Variants in AKAP14 observed in about 807,000 individuals in gnomAD.
The protein encoded by AKAP14 is A-kinase anchoring protein 14, also known as A-kinase anchor protein 14.
A neutral mutation model predicts 17.0 loss-of-function variants in AKAP14; 4 were observed. The ratio of observed to expected loss-of-function variants is 0.23; its 90% CI spans 0.12 to 0.54. AKAP14 has a LOEUF of 0.54. AKAP14 is among the 20% of genes least tolerant of loss of function. AKAP14 has a pLI of 0.95. For synonymous variants in AKAP14, 42 were observed against 51.3 expected, an observed-to-expected ratio of 0.82 and a Z score of 0.77; for missense variants, 129 against 150.9, an observed-to-expected ratio of 0.85 and a Z score of 0.76.
intron 4 of AKAP14, among the ~76,000 whole-genome samples, chrX:119,905,975 C>T (rs1266914493): frequency 9.0e-6 from 1 of 111,553 alleles, no homozygotes; most frequent in Non-Finnish European, 1.9e-5. Flanking sequence ...TTCCCAGCCC[C>T]TAGCAATGTC....
Position 119,903,268 on chromosome X carries a change from G to A in AKAP14, c.45G>A (p.Glu15=), listed in dbSNP as rs755534258. 6.6e-6 allele frequency: 8 copies of A among 1,210,044 alleles called. No homozygotes were observed. The highest frequency in any genetic ancestry group is 1.7e-5 in the African/African-American group (1 of 57,367). ...QNSTSQKAMD[E]DNKAASQTMP... is the part of the protein sequence containing the mutation. ...CAACAAGCCAGAAAGCAATGGATGA[G>A]GATAACAAAGCCGCAAGCCAAACAA... Residue 15 remains glutamate (E), a synonymous_variant, in exon 3 of 7, where the codon GAG becomes GAA. Transcript: ENST00000371431.
chrX:119,903,454 C>G (rs2056579563), intron 3 of AKAP14, 41 bp from the exon 4 acceptor site: 1 of 1,209,930 alleles, frequency 8.3e-7, no homozygotes, highest in African/African-American at 1.7e-5. Flanking sequence ...TATAGCACCA[C>G]ACTACCTGGC....
intron 4 of AKAP14, among the ~76,000 whole-genome samples, chrX:119,908,817 G>A (rs769244375): frequency 4.3e-4 from 48 of 111,808 alleles, no homozygotes; most frequent in African/African-American, 1.4e-3. Flanking sequence ...GCCTGCACAC[G>A]GATAAAAATG....
At chrX:119,902,468 C>G (rs1433951299) in intron 2 of AKAP14, among the ~76,000 whole-genome samples, 2 of 110,903 alleles carry the variant, frequency 1.8e-5, no homozygotes, top group Middle Eastern at 4.6e-3. Context: ...CTCAAACTGT[C>G]CCCCTGCTTC....
intron 4 of AKAP14, among the ~76,000 whole-genome samples, chrX:119,908,975 C>A (rs995213621): frequency 1.8e-5 from 2 of 111,326 alleles, no homozygotes; most frequent in African/African-American, 6.5e-5. Flanking sequence ...GGAGAAAGCA[C>A]TGAGCGGGCT....
chrX:119,920,396 G>T, intron 6 of AKAP14, 112 bp from the exon 7 acceptor site: 1 of 555,140 alleles, frequency 1.8e-6, no homozygotes, highest in Non-Finnish European at 2.8e-6. Context: ...AATAAAAGAG[G>T]CTTCTTGCTT....
intron 4 of AKAP14, among the ~76,000 whole-genome samples, chrX:119,911,038 A>G (rs2056624753): frequency 9.2e-6 from 1 of 108,208 alleles, no homozygotes; most frequent in Non-Finnish European, 1.9e-5. Flanking sequence ...TGCCTTACAG[A>G]TAAGTCAGCC....
At chrX:119,910,719 A>G (rs2056622729) in intron 4 of AKAP14, among the ~76,000 whole-genome samples, 1 of 110,672 alleles carries the variant, frequency 9.0e-6, no homozygotes, top group Non-Finnish European at 1.9e-5. Context: ...CTGGTGTGCA[A>G]TGGCGCAATC....
At chrX:119,902,691 G>A (rs1421625157) in intron 2 of AKAP14, among the ~76,000 whole-genome samples, 1 of 110,364 alleles carries the variant, frequency 9.1e-6, no homozygotes. Flanking sequence ...TGTTTTTTTT[G>A]TTTTTTGTTT....
intron 4 of AKAP14, among the ~76,000 whole-genome samples, chrX:119,911,541 G>C (rs902627586): frequency 3.6e-5 from 4 of 110,381 alleles, no homozygotes; most frequent in African/African-American, 9.9e-5. Context: ...ACTTCTTGGA[G>C]GTGGTAGTTT....
At chrX:119,909,047 G>T (rs1178004413) in intron 4 of AKAP14, among the ~76,000 whole-genome samples, 1 of 111,187 alleles carries the variant, frequency 9.0e-6, no homozygotes, top group Non-Finnish European at 1.9e-5. Flanking sequence ...CCTACTTCTA[G>T]GCCCTGGTAT....
intron 4 of AKAP14, among the ~76,000 whole-genome samples, chrX:119,905,898 T>G (rs764259318): frequency 1.3e-4 from 14 of 111,808 alleles, no homozygotes; most frequent in Non-Finnish European, 2.6e-4. Flanking sequence ...TATTTACTTG[T>G]CCTACTGCCT....
chrX:119,917,574 C>T (rs1293087486), intron 5 of AKAP14, among the ~76,000 whole-genome samples: 4 of 107,331 alleles, frequency 3.7e-5, no homozygotes, highest in African/African-American at 1.4e-4. Context: ...CATTGCACTC[C>T]AGCCTGGGTA....
In AKAP14 at chrX:119,920,655, A is replaced by G. The variant is rs1262217323; in HGVS notation, c.*48A>G. ...TGTTTTTCTCATCAGGATACATTAA[A>G]AATACAATACAGCACGTCAAACCAC... On this transcript the variant is annotated 3_prime_UTR_variant, in exon 7 of 7. Transcript: ENST00000371431. The G allele has an allele frequency of 1.1e-6, 1 of 944,122 alleles. No homozygotes were observed. 77.8% of individuals were successfully genotyped at this position (944,122 alleles called of 1,213,427 possible).
intron 4 of AKAP14, among the ~76,000 whole-genome samples, chrX:119,905,974 C>A (rs1007584763): frequency 7.2e-5 from 8 of 111,496 alleles, no homozygotes; most frequent in African/African-American, 2.6e-4. Flanking sequence ...CTTCCCAGCC[C>A]CTAGCAATGT....
At chrX:119,920,037 GCAA>G (rs1424012593) in intron 6 of AKAP14, 74 bp downstream of exon 6, 3 of 1,036,412 alleles carry the variant, frequency 2.9e-6, no homozygotes, top group South Asian at 1.9e-5. Flanking sequence ...CAGCAGTTGC[GCAA>G]CAACAGATAG....
chrX:119,908,300 A>AG (rs1556398870), intron 4 of AKAP14, among the ~76,000 whole-genome samples: 1 of 103,500 alleles, frequency 9.7e-6, no homozygotes, highest in African/African-American at 3.5e-5. Flanking sequence ...AAAAAAAAAA[A>AG]AAGAAGGATG....
chrX:119,909,186 G>GA (rs1025539202), intron 4 of AKAP14, among the ~76,000 whole-genome samples: 1 of 110,814 alleles, frequency 9.0e-6, no homozygotes, highest in Non-Finnish European at 1.9e-5. Context: ...TAGAACAGTT[G>GA]AAAAAAAAGG....
chrX:119,901,684 C>T (rs1311701504), intron 2 of AKAP14, among the ~76,000 whole-genome samples: 1 of 102,385 alleles, frequency 9.8e-6, no homozygotes, highest in Non-Finnish European at 2.0e-5. Context: ...CCAGCCTGGG[C>T]GACAGAACGA....
Sources: gnomAD v4.1 joint callset for allele counts (sites outside exome capture counted in the v4.1 genomes callset) on GRCh38, gnomAD v4.1.1 for gene constraint, MANE v1.5 for transcripts, NCBI Gene and HGNC (gene_info 2026-07-23, HGNC 2026-07-21) for gene names.